Variants in MEAK7 observed in about 807,000 individuals in gnomAD.
The protein encoded by MEAK7 is MTOR-associated protein MEAK7.
MEAK7 carries 68 observed loss-of-function variants against 40.5 expected under a neutral mutation model. The ratio of observed to expected loss-of-function variants is 1.68; its 90% CI spans 1.38 to 2.06. The LOEUF (loss-of-function observed/expected upper bound fraction) is 2.06, where lower values mean the gene tolerates loss of function less well. MEAK7 is among the 30% of genes most tolerant of loss of function. The pLI is 0.00. For missense variants in MEAK7, 918 were observed against 580.5 expected (o/e 1.58, Z -5.98); for synonymous variants, 338 against 231.9 (o/e 1.46, Z -4.16).
intron 7 of MEAK7, 138 bp from the exon 8 acceptor site, chr16:84,480,164 G>A (rs988533706): frequency 4.5e-6 from 3 of 669,162 alleles, no homozygotes; most frequent in African/African-American, 1.8e-5. Flanking sequence ...GGGATTCAGT[G>A]GCTGGGTGGG....
intron 1 of MEAK7, among the ~76,000 whole-genome samples, chr16:84,501,580 C>T (rs1250854426): frequency 6.6e-6 from 1 of 152,134 alleles, no homozygotes; most frequent in East Asian, 1.9e-4. Flanking sequence ...CGGCGCAGAC[C>T]AGGGCAGGCC....
chr16:84,490,832 C>T (rs570788185), intron 3 of MEAK7, among the ~76,000 whole-genome samples: 4 of 152,122 alleles, frequency 2.6e-5, no homozygotes, highest in Admixed American at 1.3e-4. Flanking sequence ...TGCTACCCTC[C>T]GCTGTATGAA....
At chr16:84,492,402 G>A (rs1370930202) in intron 3 of MEAK7, among the ~76,000 whole-genome samples, 1 of 151,900 alleles carries the variant, frequency 6.6e-6, no homozygotes, top group Non-Finnish European at 1.5e-5. Context: ...AGATTTAAGT[G>A]GCCTCATACT....
chr16:84,495,939 G>A (rs771652116), intron 2 of MEAK7, 26 bp from the exon 3 acceptor site: 4 of 1,610,884 alleles, frequency 2.5e-6, no homozygotes, highest in Middle Eastern at 1.7e-4. Context: ...AGAAAAATAT[G>A]GTTAGACAGT....
chr16:84,502,314 G>C (rs1323785884), intron 1 of MEAK7, among the ~76,000 whole-genome samples: 1 of 147,260 alleles, frequency 6.8e-6, no homozygotes, highest in South Asian at 2.2e-4. Flanking sequence ...TTGGCATCTA[G>C]CAGGCAGAGG....
intron 2 of MEAK7, chr16:84,497,358 A>T: frequency 8.3e-7 from 1 of 1,205,844 alleles, no homozygotes; most frequent in Non-Finnish European, 1.1e-6. Context: ...ATGAGCCTTG[A>T]ATCTAAAATG....
intron 4 of MEAK7, 182 bp from the exon 5 acceptor site, chr16:84,487,241 G>A: frequency 7.8e-6 from 4 of 514,732 alleles, no homozygotes; most frequent in African/African-American, 1.9e-5. Context: ...TCAAAGATTT[G>A]GTATGAAAAA....
intron 4 of MEAK7, 183 bp from the exon 5 acceptor site, chr16:84,487,242 GT>G (rs1480184513): frequency 7.9e-5 from 41 of 519,368 alleles, no homozygotes; most frequent in Non-Finnish European, 6.6e-6. Flanking sequence ...CAAAGATTTG[GT>G]ATGAAAAAAG....
chr16:84,493,046 C>A (rs1465410756), intron 3 of MEAK7, among the ~76,000 whole-genome samples: 1 of 152,146 alleles, frequency 6.6e-6, no homozygotes, highest in South Asian at 2.1e-4. Flanking sequence ...GAAGCACTGT[C>A]AAATATGAAA....
intron 5 of MEAK7, among the ~76,000 whole-genome samples, chr16:84,483,290 G>GA (rs2150626061): frequency 6.6e-6 from 1 of 152,334 alleles, no homozygotes; most frequent in South Asian, 2.1e-4. Flanking sequence ...CAAAACTCTG[G>GA]AAACTATGGG....
intron 5 of MEAK7, 175 bp downstream of exon 5, chr16:84,486,456 C>A: frequency 1.4e-6 from 2 of 1,413,830 alleles, no homozygotes; most frequent in Non-Finnish European, 1.8e-6. Context: ...CTGAAGAACT[C>A]TGATGTGATA....
intron 1 of MEAK7, among the ~76,000 whole-genome samples, chr16:84,503,041 T>C (rs897444647): frequency 3.9e-5 from 6 of 152,196 alleles, no homozygotes; most frequent in Non-Finnish European, 8.8e-5. Context: ...TCATCCTTGA[T>C]ATTTGATCAC....
At chr16:84,504,220 C>CCCAG (rs1452830528) in intron 1 of MEAK7, 26 of 919,118 alleles carry the variant, frequency 2.8e-5, no homozygotes, top group Non-Finnish European at 3.2e-5. Flanking sequence ...CAGTGTCTAC[C>CCCAG]CCAGACTCGC....
At chr16:84,497,547 G>A in intron 2 of MEAK7, 1 of 1,293,498 alleles carries the variant, frequency 7.7e-7, no homozygotes, top group Non-Finnish European at 1.0e-6. Context: ...TGGTTCAAGA[G>A]ACACACGAGG....
At chr16:84,493,152 GTA>G (rs530697726) in intron 3 of MEAK7, among the ~76,000 whole-genome samples, 128 of 152,254 alleles carry the variant, frequency 8.4e-4, no homozygotes, top group Admixed American at 1.6e-3. Flanking sequence ...ATGTGTCTTA[GTA>G]TATGTTATCA....
At chr16:84,496,098 T>C (rs527315682) in intron 2 of MEAK7, among the ~76,000 whole-genome samples, 185 bp from the exon 3 acceptor site, 1 of 152,346 alleles carries the variant, frequency 6.6e-6, no homozygotes, top group African/African-American at 2.4e-5. Flanking sequence ...AACTTTGATA[T>C]GCAAATGCCG....
Position 84,476,953 on chromosome 16 carries a change from A to G in MEAK7, c.*2960T>C, listed in dbSNP as rs1408676237. ...GTTGCCCAGGCTGGAGTGCAGTGGCACAATCACAGCTTATAGCAGCCTCAA... is the reference window on the plus strand; with the variant it reads ...GTTGCCCAGGCTGGAGTGCAGTGGCGCAATCACAGCTTATAGCAGCCTCAA... On this transcript the variant is annotated 3_prime_UTR_variant, in exon 8 of 8. Coordinates refer to ENST00000343629, the MANE Select transcript of MEAK7 (RefSeq NM_020947.4). The G allele has an allele frequency of 6.6e-6, 1 of 152,222 alleles. No individual in the cohort carries two copies. Among genetic ancestry groups the G allele is most frequent in the Non-Finnish European group, 1.5e-5 (1 of 68,092 alleles). 9.4% of individuals were successfully genotyped at this position (152,222 alleles called of 1,614,324 possible).
chr16:84,499,078 G>C (rs149699309), intron 1 of MEAK7, among the ~76,000 whole-genome samples: 1 of 152,192 alleles, frequency 6.6e-6, no homozygotes, highest in African/African-American at 2.4e-5. Flanking sequence ...CGGCCCGTGA[G>C]CCTCATCTGT....
intron 3 of MEAK7, among the ~76,000 whole-genome samples, chr16:84,490,153 T>C (rs1913443566): frequency 6.6e-6 from 1 of 152,172 alleles, no homozygotes; most frequent in African/African-American, 2.4e-5. Context: ...GTGGCTTCTG[T>C]TTTTATTGTT....
Sources: gnomAD v4.1 joint callset for allele counts (sites outside exome capture counted in the v4.1 genomes callset) on GRCh38, gnomAD v4.1.1 for gene constraint, MANE v1.5 for transcripts, NCBI Gene and HGNC (gene_info 2026-07-23, HGNC 2026-07-21) for gene names.